The following NT5C variants were observed in gnomAD, a reference collection of about 807,000 sequenced individuals.
NT5C encodes the protein 5'(3')-deoxyribonucleotidase, cytosolic type.
Under a neutral mutation model 17.6 loss-of-function variants are expected in NT5C, and 14 were observed. That is an observed-to-expected ratio of 0.79 (90% CI 0.52 to 1.24). NT5C has a LOEUF of 1.24. Ranked by LOEUF, NT5C falls within the 50% of genes most tolerant of loss-of-function variation. NT5C has a pLI of 0.00. For missense variants in NT5C, 328 were observed against 278.3 expected, an observed-to-expected ratio of 1.18 and a Z score of -1.27; for synonymous variants, 153 against 119.2, an observed-to-expected ratio of 1.28 and a Z score of -1.85.
Position 75,130,411 on chromosome 17 carries a change from G to A in NT5C, c.*77C>T, listed in dbSNP as rs571263599. ...GGGCCAGAGGCACCAGCACGATGCC[G>A]CCCCGACTCGGCTCTGCGGTGGCCC... On this transcript the variant is annotated 3_prime_UTR_variant, in exon 5 of 5. Transcript: ENST00000245552. The A allele has an allele frequency of 4.5e-6, 7 of 1,552,620 alleles. No homozygotes were observed. Among genetic ancestry groups the A allele is most frequent in the Non-Finnish European group, 6.1e-6 (7 of 1,139,374 alleles).
chr17:75,130,588 C>G lies in NT5C; in HGVS notation c.506G>C (p.Arg169Pro). Reference protein sequence around the residue: ...EHILFTCCHNRHLVLPPTRRR... With the variant: ...EHILFTCCHNPHLVLPPTRRR... ...CCTTGTCGGGGGCAGGACCAGGTGC[C>G]GATTGTGGCAGCAGGTGAACAAGAT... Residue 169 changes from arginine (R) to proline (P), a missense_variant, in exon 5 of 5, where the codon CGG becomes CCG. Transcript: ENST00000245552. The G allele has an allele frequency of 6.2e-7, 1 of 1,614,198 alleles. No individual in the cohort carries two copies.
At chr17:75,131,007 G>GCAGCTC in intron 3 of NT5C, 38 bp downstream of exon 3, 1 of 1,607,016 alleles carries the variant, frequency 6.2e-7, no homozygotes, top group South Asian at 1.1e-5. Context: ...CAGGATTTAG[G>GCAGCTC]CAGCTCCACG....
In NT5C at chr17:75,131,735, C is replaced by T. The variant is rs769873258; in HGVS notation, c.-28G>A. 46 of 1,265,654 alleles carry T rather than the reference C, an allele frequency of 3.6e-5. No individual in the cohort carries two copies. Among genetic ancestry groups the T allele is most frequent in the Non-Finnish European group, 4.5e-5 (45 of 1,006,332 alleles). 78.4% of individuals were successfully genotyped at this position (1,265,654 alleles called of 1,614,324 possible). ...CCGCCGGGCCGGAGCTGCGAGCTCT[C>T]GGGGTCTGGGGGGCGCGGGCTCGGC... On this transcript the variant is annotated 5_prime_UTR_variant, in exon 1 of 5. Coordinates refer to ENST00000245552, the MANE Select transcript of NT5C (RefSeq NM_014595.3).
rs2074122091 is a variant in NT5C at position 75,131,376 on chromosome 17, A to C, written c.175-95T>G. ...TCCGGGCCCGAGCTCAGAGGGGCGG[A>C]GGGGGCGTCGGTCAGGGGCACGCGC... On this transcript the variant is annotated intron_variant, in intron 1 of 4. Coordinates refer to ENST00000245552, the MANE Select transcript of NT5C (RefSeq NM_014595.3). 6 of 1,441,458 alleles carry C rather than the reference A, an allele frequency of 4.2e-6. No individual in the cohort carries two copies. In the African/African-American group the frequency reaches 5.7e-5, roughly 14 times the overall value. 89.3% of individuals were successfully genotyped at this position (1,441,458 alleles called of 1,614,324 possible).
Position 75,130,591 on chromosome 17 carries a change from T to A in NT5C, c.503A>T (p.Asn168Ile). Residue 168 changes from asparagine to isoleucine, a missense_variant, in exon 5 of 5, where the codon AAT (asparagine) becomes ATT (isoleucine). Asn to Ile is a moderately radical substitution (Grantham distance 149). Coordinates refer to ENST00000245552, the MANE Select transcript of NT5C (RefSeq NM_014595.3). ...WEHILFTCCH[N>I]RHLVLPPTRR... ...TGTCGGGGGCAGGACCAGGTGCCGA[T>A]TGTGGCAGCAGGTGAACAAGATGTG... 6.2e-7 allele frequency: 1 copy of A among 1,614,150 alleles called. No individual in the cohort carries two copies. The highest frequency in any genetic ancestry group is 1.1e-5 in the South Asian group (1 of 91,086).
At position 75,131,602 on chromosome 17, in the gene NT5C, C is replaced by T; in HGVS notation, c.106G>A (p.Val36Met). ...AAGCCGCGGCGTTGCTCCAGCGGCA[C>T]GTGCGGCTCCTCAGGGAAGCGGCGG... ...FRRRFPEEPH[V>M]PLEQRRGFLA... Residue 36 changes from valine (V) to methionine (M), a missense_variant, in exon 1 of 5, where the codon GTG becomes ATG. Val to Met is a conservative substitution (Grantham distance 21, BLOSUM62 1). Transcript: ENST00000245552. 7.2e-7 allele frequency: 1 copy of T among 1,395,398 alleles called. No homozygotes were observed. Among genetic ancestry groups the T allele is most frequent in the Non-Finnish European group, 9.2e-7 (1 of 1,081,212 alleles). The allele number at this position is 1,395,398 out of a possible 1,614,324, so 86.4% of individuals were successfully genotyped here. A position where few individuals can be genotyped will look rare whatever the true frequency, so the allele number is the denominator to read the frequency against.
chr17:75,130,706 C>T, intron 4 of NT5C, 47 bp downstream of exon 4: 3 of 1,613,848 alleles, frequency 1.9e-6, no homozygotes, highest in Non-Finnish European at 2.5e-6. Flanking sequence ...TCTCCCTAAT[C>T]CGGGCAGGCC....
In NT5C at chr17:75,131,574, AG is replaced by A. The variant is rs2074126791; in HGVS notation, c.133del (p.Leu45TrpfsTer43). 1 of 1,392,678 alleles carries A rather than the reference AG, an allele frequency of 7.2e-7. No homozygotes were observed. 86.3% of individuals were successfully genotyped at this position (1,392,678 alleles called of 1,614,324 possible). Reference protein sequence around the residue: ...HVPLEQRRGFLAREQYRALRP... With the variant: ...HVPLEQRRGFXAREQYRALRP... ...CAGGGCGCGGTACTGCTCGCGGGCC[AG>A]GAAGCCGCGGCGTTGCTCCAGCGGC... On this transcript the variant is annotated frameshift_variant, in exon 1 of 5. Transcript: ENST00000245552. LOFTEE classifies it high-confidence loss of function.
chr17:75,131,047 T>C lies in NT5C; in HGVS notation c.334A>G (p.Lys112Glu), dbSNP rs770063542. 1.9e-6 allele frequency: 3 copies of C among 1,612,312 alleles called. No individual in the cohort carries two copies. The highest frequency in any genetic ancestry group is 2.2e-5 in the South Asian group (2 of 90,908). Residue 112 changes from lysine (K) to glutamate (E), a missense_variant and splice_region_variant, in exon 3 of 5, where the codon AAG becomes GAG. Transcript: ENST00000245552. ...GAGTAGGGGCGGGGCAGCCACACCT[T>C]CTCACCCACACAGTGGTGGTACTTC... ...LLKYHHCVGE[K>E]YRWVEQHLGP...
In NT5C at chr17:75,130,611, G is replaced by T. The variant is rs778402687; in HGVS notation, c.483C>A (p.Ile161=). Residue 161 remains isoleucine (I), a synonymous_variant, in exon 5 of 5, where the codon ATC becomes ATA. Transcript: ENST00000245552. ...GCCGATTGTGGCAGCAGGTGAACAAGATGTGCTCCCAGCTTGGGGTCTCCT... is the reference window on the plus strand; with the variant it reads ...GCCGATTGTGGCAGCAGGTGAACAATATGTGCTCCCAGCTTGGGGTCTCCT... ...GQEETPSWEH[I]LFTCCHNRHL... 6.2e-7 allele frequency: 1 copy of T among 1,613,522 alleles called. No individual in the cohort carries two copies. The highest frequency in any genetic ancestry group is 1.1e-5 in the South Asian group (1 of 91,042).
Position 75,130,852 on chromosome 17 carries a change from G to A in NT5C, c.352C>T (p.Gln118Ter). The A allele has an allele frequency of 6.2e-7, 1 of 1,614,142 alleles. No homozygotes were observed. Among genetic ancestry groups the A allele is most frequent in the Non-Finnish European group, 8.5e-7 (1 of 1,180,004 alleles). The stretch of plus-strand genomic sequence containing the variant: ...TCTACGAACTGGGGCCCCAGGTGCT[G>A]CTCCACCCAGCGGTACTGTGTAGAA... The part of the protein sequence containing the change: ...CVGEKYRWVE[Q>*]HLGPQFVERI... The change falls in exon 4 of 5, where the codon CAG becomes TAG. Residue 118 changes from glutamine to a stop codon, truncating the protein, a stop_gained. Coordinates refer to ENST00000245552, the MANE Select transcript of NT5C (RefSeq NM_014595.3). LOFTEE classifies it high-confidence loss of function.
chr17:75,131,417 C>T, intron 1 of NT5C, 117 bp downstream of exon 1: 1 of 1,392,814 alleles, frequency 7.2e-7, no homozygotes, highest in Non-Finnish European at 9.6e-7. Flanking sequence ...GGCTCCTCCC[C>T]AGGGTGCGCT....
chr17:75,131,218 C>A lies in NT5C; in HGVS notation c.238G>T (p.Ala80Ser), dbSNP rs1367474614. ...TTCATCTCCCGCACAGCGTCCAAGGCTCCCGGGATGGGCTCCAGGTCCAGG... is the reference window on the plus strand; with the variant it reads ...TTCATCTCCCGCACAGCGTCCAAGGATCCCGGGATGGGCTCCAGGTCCAGG... ...FFLDLEPIPG[A>S]LDAVREMNDL... The change falls in exon 2 of 5, where the codon GCC (alanine) becomes TCC (serine). Residue 80 changes from alanine (A) to serine (S), a missense_variant. Transcript: ENST00000245552. The A allele has an allele frequency of 1.2e-6, 2 of 1,613,998 alleles. No homozygotes were observed. The highest frequency in any genetic ancestry group is 1.1e-5 in the South Asian group (1 of 91,080).
At chr17:75,130,920 G>C in intron 3 of NT5C, 53 bp from the exon 4 acceptor site, 1 of 1,613,142 alleles carries the variant, frequency 6.2e-7, no homozygotes, top group Non-Finnish European at 8.5e-7. Flanking sequence ...CGGAATTCAG[G>C]GATAGGGACT....
chr17:75,130,988 T>G (rs1376967369), intron 3 of NT5C, 57 bp downstream of exon 3: 1 of 1,601,988 alleles, frequency 6.2e-7, no homozygotes, highest in Non-Finnish European at 8.5e-7. Context: ...GGTGGTTTCT[T>G]TTTAAAATCA....
rs2074097484 is a variant in NT5C at position 75,130,433 on chromosome 17, G to A, written c.*55C>T. 4.4e-6 allele frequency: 7 copies of A among 1,599,470 alleles called. No individual in the cohort carries two copies. The East Asian group carries it at 1.3e-4, about 31-fold the overall frequency. ...GCCGCCCCGACTCGGCTCTGCGGTG[G>A]CCCCTGTGGGCCTGCCCTTCCTTTA... On this transcript the variant is annotated 3_prime_UTR_variant, in exon 5 of 5. Transcript: ENST00000245552.
rs1231887004 is a variant in NT5C, at chr17:75,130,649, C to T, written c.452-7G>A. 2 of 1,481,652 alleles carry T rather than the reference C, an allele frequency of 1.3e-6. No individual in the cohort carries two copies. The highest frequency in any genetic ancestry group is 1.7e-4 in the Middle Eastern group (1 of 5,780). The allele number at this position is 1,481,652 out of a possible 1,614,324, so 91.8% of individuals were successfully genotyped here. On this transcript the variant is annotated splice_region_variant and splice_polypyrimidine_tract_variant and intron_variant, in intron 4 of 4. Transcript: ENST00000245552. ...CTTGGGGTCTCCTCCTGGCCTAGGACAGTGAAAGACAGCGCGCTGCCATCT... is the reference window on the plus strand; with the variant it reads ...CTTGGGGTCTCCTCCTGGCCTAGGATAGTGAAAGACAGCGCGCTGCCATCT...
rs2074124266 is a variant in NT5C, at chr17:75,131,484, C to CG, written c.174+49dup. On this transcript the variant is annotated intron_variant, in intron 1 of 4. Coordinates refer to ENST00000245552, the MANE Select transcript of NT5C (RefSeq NM_014595.3). ...CCTTCACAGAGAAGGGGGAGACCCC[C>CG]GGAACGGAGCGAGCGGGCCCTGCCC... 4.2e-6 allele frequency: 6 copies of CG among 1,432,458 alleles called. No homozygotes were observed. The Admixed American group carries it at 1.8e-4, about 42-fold the overall frequency. The allele number at this position is 1,432,458 out of a possible 1,614,324, so 88.7% of individuals were successfully genotyped here.
rs138058467 is a variant in NT5C, at chr17:75,130,940, G to A, written c.337-73C>T. The A allele has an allele frequency of 1.8e-3, 2,933 of 1,608,580 alleles. 94 individuals carry two copies. In the East Asian group the frequency reaches 0.052, roughly 28 times the overall value. The stretch of plus-strand genomic sequence containing the variant: ...TTCAGGGATAGGGACTTGGCTCTAA[G>A]CCCTTGAGAGCCCCCCACCCCCACC... On this transcript the variant is annotated intron_variant, in intron 3 of 4. Coordinates refer to ENST00000245552, the MANE Select transcript of NT5C (RefSeq NM_014595.3).
Sources: allele counts gnomAD v4.1 joint callset, GRCh38; gene constraint gnomAD v4.1.1; transcripts MANE v1.5; gene names NCBI Gene and HGNC (gene_info 2026-07-23, HGNC 2026-07-21).